Variants in PDE4DIP observed in about 807,000 individuals in gnomAD.
The protein encoded by PDE4DIP is myomegalin.
Under a neutral mutation model 221.4 loss-of-function variants are expected in PDE4DIP, and 59 were observed. The observed-to-expected ratio is 0.27, with a 90% CI of 0.22 to 0.33. The LOEUF is 0.33. Among genes scored for constraint, PDE4DIP ranks in the 10% least tolerant of loss-of-function variants. PDE4DIP has a pLI of 1.00. For missense variants in PDE4DIP, 1,036 were observed against 2,154.2 expected (o/e 0.48, Z 10.28); for synonymous variants, 404 against 815.9 (o/e 0.50, Z 8.60).
At chr1:148,822,794 A>T (rs1553362283) in intron 1 of PDE4DIP, among the ~76,000 whole-genome samples, 1 of 112,502 alleles carries the variant, frequency 8.9e-6, no homozygotes, top group East Asian at 2.3e-4. Flanking sequence ...ATATATAATT[A>T]CATGATTAAT....
intron 19 of PDE4DIP, 91 bp from the exon 23 acceptor site, chr1:148,979,646 A>G: frequency 1.7e-6 from 2 of 1,145,404 alleles, no homozygotes; most frequent in South Asian, 2.6e-5. Context: ...TGGGCTTTTT[A>G]AGTCATAGTA....
intron 1 of PDE4DIP, among the ~76,000 whole-genome samples, chr1:148,836,201 G>A (rs1673343447): frequency 6.6e-6 from 1 of 151,802 alleles, no homozygotes; most frequent in Non-Finnish European, 1.5e-5. Flanking sequence ...CCAGCAATGA[G>A]GGAGGCTCTA....
intron 1 of PDE4DIP, among the ~76,000 whole-genome samples, chr1:148,902,871 G>A (rs1183202033): frequency 8.6e-6 from 1 of 116,664 alleles, no homozygotes; most frequent in African/African-American, 3.8e-5. Context: ...ACATATGCGT[G>A]TTCAAGTATC....
rs587628881 is a variant in PDE4DIP, at chr1:148,820,404, T to G, written c.233+11667T>G. Among the ~76,000 whole-genome samples the G allele has an allele frequency of 2.9e-3, 430 of 146,564 alleles. 2 individuals are homozygous for G. Among genetic ancestry groups the G allele is most frequent in the Non-Finnish European group, 5.1e-3 (342 of 66,808 alleles). ...CAAAATGGTGAAACCCCCTCTCTACTAAAAATACAAAAAATTAGCCGGGCG... is the reference window on the plus strand; with the variant it reads ...CAAAATGGTGAAACCCCCTCTCTACGAAAAATACAAAAAATTAGCCGGGCG... On this transcript the variant is annotated intron_variant, in intron 1 of 45. Transcript: ENST00000524974.
At chr1:148,985,509 T>G in intron 21 of PDE4DIP, 1 of 152,292 alleles carries the variant, frequency 6.6e-6, no homozygotes, top group Non-Finnish European at 1.5e-5. Flanking sequence ...TAACAGAAGG[T>G]AAGTCTTCAA....
At chr1:148,953,628 G>C (rs781783946) in intron 5 of PDE4DIP, 13 of 1,473,322 alleles carry the variant, frequency 8.8e-6, no homozygotes, top group Non-Finnish European at 1.1e-5. Flanking sequence ...CCGCAGCATG[G>C]GTGTAATCAC....
chr1:148,997,430 TAG>T (rs1271682588), intron 22 of PDE4DIP, among the ~76,000 whole-genome samples: 5 of 150,036 alleles, frequency 3.3e-5, no homozygotes, highest in Non-Finnish European at 7.4e-5. Flanking sequence ...CTGAGATTTG[TAG>T]AGAGAGTTTG....
intron 1 of PDE4DIP, among the ~76,000 whole-genome samples, chr1:148,862,037 T>C (rs1553401586): frequency 8.9e-6 from 1 of 112,648 alleles, no homozygotes; most frequent in African/African-American, 3.6e-5. Context: ...CTTTGCATTT[T>C]ATGTTCTCTG....
chr1:148,929,311 C>T (rs1331737380), intron 2 of PDE4DIP, 38 bp downstream of exon 5: 1 of 1,550,934 alleles, frequency 6.4e-7, no homozygotes, highest in Admixed American at 1.8e-5. Flanking sequence ...TTTCCAGAGT[C>T]TGTCTTACTA....
exon 43 of PDE4DIP, chr1:149,030,267 A>T (rs1553635662): frequency 6.6e-7 from 1 of 1,517,758 alleles, no homozygotes; most frequent in Non-Finnish European, 9.0e-7. Flanking sequence ...GAAGGCAAGG[A>T]CTAACTTAGA....
chr1:149,009,753 C>T, exon 30 of PDE4DIP: 1 of 1,612,804 alleles, frequency 6.2e-7, no homozygotes, highest in Non-Finnish European at 8.5e-7. Flanking sequence ...AGCGAGTACA[C>T]ACACTATGAA....
chr1:148,890,454 A>AT (rs1698080953), intron 1 of PDE4DIP, among the ~76,000 whole-genome samples: 3 of 132,594 alleles, frequency 2.3e-5, no homozygotes, highest in South Asian at 2.5e-4. Flanking sequence ...GGCCCAGATA[A>AT]TTAAAAAAAA....
At chr1:148,866,890 C>G in intron 2 of PDE4DIP, among the ~76,000 whole-genome samples, 1 of 21,228 alleles carries the variant, frequency 4.7e-5, no homozygotes, top group Non-Finnish European at 8.0e-5. Flanking sequence ...CTGACACTGT[C>G]TGTAGCGCTT....
chr1:148,924,624 C>G (rs1313141512), intron 1 of PDE4DIP, among the ~76,000 whole-genome samples: 3 of 148,022 alleles, frequency 2.0e-5, no homozygotes, highest in Admixed American at 1.4e-4. Context: ...GAAGAAATAC[C>G]TAATAGAAGT....
intron 8 of PDE4DIP, 49 bp downstream of exon 11, chr1:148,962,337 C>T: frequency 1.3e-6 from 2 of 1,504,546 alleles, no homozygotes; most frequent in Non-Finnish European, 1.8e-6. Context: ...GGGGATGTGC[C>T]ATTTTGGTTG....
chr1:148,992,329 C>T (rs2063299529), intron 22 of PDE4DIP: 20 of 1,589,296 alleles, frequency 1.3e-5, no homozygotes, highest in Non-Finnish European at 1.6e-5. Context: ...CTGAAACGCA[C>T]CACAGAAGAC....
intron 20 of PDE4DIP, 50 bp downstream of exon 23, chr1:148,979,899 C>A: frequency 2.5e-6 from 4 of 1,585,136 alleles, no homozygotes; most frequent in South Asian, 1.1e-5. Flanking sequence ...ATTTTTATTT[C>A]TTTTACTATT....
intron 5 of PDE4DIP, chr1:148,953,075 A>C (rs1553493579): frequency 1.2e-6 from 2 of 1,613,978 alleles, no homozygotes; most frequent in Non-Finnish European, 1.7e-6. Flanking sequence ...TATGTATCGG[A>C]AGAATAACGA....
At chr1:148,969,707 C>CTTT (rs66883683) in intron 14 of PDE4DIP, among the ~76,000 whole-genome samples, 1 of 135,022 alleles carries the variant, frequency 7.4e-6, no homozygotes, top group Non-Finnish European at 1.6e-5. Flanking sequence ...GAAGTAAATT[C>CTTT]TTTTTTTTTT....
Sources: gnomAD v4.1 joint callset for allele counts (sites outside exome capture counted in the v4.1 genomes callset) on GRCh38, gnomAD v4.1.1 for gene constraint, MANE v1.5 for transcripts, NCBI Gene and HGNC (gene_info 2026-07-23, HGNC 2026-07-21) for gene names.